TREH: variants seen among roughly 807,000 people sequenced by gnomAD.
The protein encoded by TREH is trehalase.
In TREH, 69 loss-of-function variants were observed where a neutral mutation model predicts 80.5. The ratio of observed to expected loss-of-function variants is 0.86; its 90% CI spans 0.71 to 1.05. The LOEUF (loss-of-function observed/expected upper bound fraction) is 1.05. Among genes scored for constraint, TREH ranks in the 50% least tolerant of loss-of-function variants. TREH has a pLI of 0.00. For synonymous variants in TREH, 309 were observed against 293.5 expected (o/e 1.05, Z -0.54); for missense variants, 716 against 718.8 (o/e 1.00, Z 0.04).
At chr11:118,672,399 G>GA (rs1304121384) in intron 1 of TREH, among the ~76,000 whole-genome samples, 13 of 144,238 alleles carry the variant, frequency 9.0e-5, no homozygotes, top group East Asian at 2.0e-4. Flanking sequence ...CACTGTCTCA[G>GA]AAAAAAAAAG....
chr11:118,659,717 G>A, intron 11 of TREH, 30 bp downstream of exon 11: 1 of 1,554,580 alleles, frequency 6.4e-7, no homozygotes, highest in East Asian at 2.4e-5. Flanking sequence ...GCTGCCTGCA[G>A]TGGACCCGAG....
chr11:118,660,914 G>T lies in TREH; in HGVS notation c.859C>A (p.Pro287Thr). Residue 287 changes from proline (P) to threonine (T), a missense_variant and splice_region_variant, in exon 9 of 15, where the codon CCT becomes ACT. Transcript: ENST00000264029. ...RYYVPYGGPR[P>T]ESYSKDVELA... ...TCCACATCTTTGCTGTAGGACTCAG[G>T]CCTGGCAAAGAGGAGAGGTGGGCAG... is the stretch of plus-strand genomic sequence containing the variant. 1 of 1,570,462 alleles carries T rather than the reference G, an allele frequency of 6.4e-7. No individual in the cohort carries two copies. Among genetic ancestry groups the T allele is most frequent in the South Asian group, 1.2e-5 (1 of 85,334 alleles).
Position 118,660,584 on chromosome 11 carries a change from G to A in TREH, c.1057C>T (p.Leu353=), listed in dbSNP as rs782578590. 5 of 1,610,824 alleles carry A rather than the reference G, an allele frequency of 3.1e-6. No homozygotes were observed. The South Asian group carries it at 5.5e-5, about 18-fold the overall frequency. Residue 353 remains leucine, a synonymous_variant, in exon 10 of 15, where the codon CTA becomes TTA. Coordinates refer to ENST00000264029, the MANE Select transcript of TREH (RefSeq NM_007180.3). The stretch of plus-strand genomic sequence containing the variant: ...CTCATCAGCTCCTCTGCTTGGCATA[G>A]GAAGGCATTCAGGTCAACAGGCACC... ...KLVPVDLNAF[L]CQAEELMSNF...
At chr11:118,667,984 C>T (rs1555145829) in intron 1 of TREH, among the ~76,000 whole-genome samples, 1 of 152,146 alleles carries the variant, frequency 6.6e-6, no homozygotes, top group Admixed American at 6.5e-5. Flanking sequence ...CATGCCTCAG[C>T]CTCCCAAGTT....
intron 1 of TREH, among the ~76,000 whole-genome samples, chr11:118,672,320 C>T (rs1949437007): frequency 6.6e-6 from 1 of 151,998 alleles, no homozygotes; most frequent in Non-Finnish European, 1.5e-5. Flanking sequence ...ATCGCTTGAA[C>T]CGGGGAGGTG....
Position 118,657,782 on chromosome 11 carries a change from A to C in TREH, c.*507T>G. 1 of 159,450 alleles carries C rather than the reference A, an allele frequency of 6.3e-6. No homozygotes were observed. Among genetic ancestry groups the C allele is most frequent in the South Asian group, 1.8e-4 (1 of 5,460 alleles). The allele number at this position is 159,450 out of a possible 1,614,324, so 9.9% of individuals were successfully genotyped here. ...CCTAGAGAGAAAGCCTGAGCAGGAG[A>C]TGATGCAGCAGAGGGGAAGGGCCCT... On this transcript the variant is annotated 3_prime_UTR_variant, in exon 15 of 15. Coordinates refer to ENST00000264029, the MANE Select transcript of TREH (RefSeq NM_007180.3).
Position 118,658,188 on chromosome 11 carries a change from A to C in TREH, c.*101T>G. The C allele has an allele frequency of 6.9e-7, 1 of 1,455,308 alleles. No individual in the cohort carries two copies. Among genetic ancestry groups the C allele is most frequent in the Non-Finnish European group, 9.2e-7 (1 of 1,083,280 alleles). 90.1% of individuals were successfully genotyped at this position (1,455,308 alleles called of 1,614,324 possible). A position where few individuals can be genotyped will look rare whatever the true frequency, so the allele number is the denominator to read the frequency against. ...CTGCCCTCCACTTCGCTCTGAGGAC[A>C]GGCTGGGAGGTAGGAGGGCATGAAG... On this transcript the variant is annotated 3_prime_UTR_variant, in exon 15 of 15. Coordinates refer to ENST00000264029, the MANE Select transcript of TREH (RefSeq NM_007180.3).
rs540653563 is a variant in TREH at position 118,679,515 on chromosome 11, C to G, written c.89+24G>C. 1.4e-5 allele frequency: 21 copies of G among 1,471,390 alleles called. No homozygotes were observed. The African/African-American group carries it at 2.4e-4, about 17-fold the overall frequency. 91.1% of individuals were successfully genotyped at this position (1,471,390 alleles called of 1,614,324 possible). A position where few individuals can be genotyped will look rare whatever the true frequency, so the allele number is the denominator to read the frequency against. On this transcript the variant is annotated intron_variant, in intron 1 of 14. Transcript: ENST00000264029. The stretch of plus-strand genomic sequence containing the variant: ...GCCTCCCTCTTATTGCCATCCTCCC[C>G]TGCTGCCTTCCCCACACCCCTACCT...
chr11:118,672,875 G>A (rs1949443493), intron 1 of TREH, among the ~76,000 whole-genome samples: 1 of 152,072 alleles, frequency 6.6e-6, no homozygotes, highest in African/African-American at 2.4e-5. Flanking sequence ...GGGATTTACT[G>A]GAACCACTGA....
intron 1 of TREH, among the ~76,000 whole-genome samples, chr11:118,669,270 A>G (rs1949409200): frequency 2.6e-5 from 4 of 152,352 alleles, no homozygotes; most frequent in Middle Eastern, 6.8e-3. Context: ...TACAACCACT[A>G]TGGAGAACTG....
At chr11:118,660,013 C>T in intron 10 of TREH, 49 bp from the exon 11 acceptor site, 1 of 1,504,316 alleles carries the variant, frequency 6.6e-7, no homozygotes, top group South Asian at 1.2e-5. Context: ...CTGCCTGCTG[C>T]CCCAGGCTTT....
rs58199596 is a variant in TREH, at chr11:118,672,713, CAAAAAAAAAA to C, written c.89+6816_89+6825del. 6.8e-5 allele frequency among the ~76,000 whole-genome samples: 3 copies of C among 43,970 alleles called. No individual in the cohort carries two copies. In the East Asian group the frequency reaches 2.0e-3, roughly 30 times the overall value. 28.8% of individuals were successfully genotyped at this position (43,970 alleles called of 152,430 possible). A position where few individuals can be genotyped will look rare whatever the true frequency, so the allele number is the denominator to read the frequency against. On this transcript the variant is annotated intron_variant, in intron 1 of 14. Coordinates refer to ENST00000264029, the MANE Select transcript of TREH (RefSeq NM_007180.3). ...GGGTTGACAGAGCGAGACTCCATCTCAAAAAAAAAAAAAAAAAAAAAAAGAAATCACCTGA... is the reference window on the plus strand; with the variant it reads ...GGGTTGACAGAGCGAGACTCCATCTCAAAAAAAAAAAAAGAAATCACCTGA...
At chr11:118,658,883 G>T in intron 13 of TREH, 22 bp downstream of exon 13, 2 of 1,613,254 alleles carry the variant, frequency 1.2e-6, no homozygotes, top group East Asian at 4.5e-5. Flanking sequence ...TGGGGGTGCA[G>T]GGAGGGCTTG....
At chr11:118,659,088 C>T (rs1221478515) in intron 12 of TREH, 71 bp from the exon 13 acceptor site, 8 of 1,482,716 alleles carry the variant, frequency 5.4e-6, no homozygotes, top group African/African-American at 2.8e-5. Flanking sequence ...CTGCACCCTA[C>T]TCTCCCCAAG....
Position 118,661,771 on chromosome 11 carries a change from C to T in TREH, c.525-42G>A, listed in dbSNP as rs781818237. ...TTAGGCACCACCCTGCTGCCTCCCT[C>T]TGCCCTGCACACCAGCCAGTGGGGC... On this transcript the variant is annotated intron_variant, in intron 5 of 14. Coordinates refer to ENST00000264029, the MANE Select transcript of TREH (RefSeq NM_007180.3). The surrounding 1 kb of genome is among the most constrained non-coding windows in gnomAD (Gnocchi z 4.2). 6.2e-7 allele frequency: 1 copy of T among 1,610,752 alleles called. No individual in the cohort carries two copies. The highest frequency in any genetic ancestry group is 8.5e-7 in the Non-Finnish European group (1 of 1,177,430).
At chr11:118,669,790 C>T (rs1483259224) in intron 1 of TREH, among the ~76,000 whole-genome samples, 1 of 152,038 alleles carries the variant, frequency 6.6e-6, no homozygotes, top group Non-Finnish European at 1.5e-5. Context: ...CTAGTATTTG[C>T]TAGCACAACA....
rs1555144063 is a variant in TREH at position 118,658,747 on chromosome 11, G to A, written c.1546-14C>T. On this transcript the variant is annotated splice_polypyrimidine_tract_variant and intron_variant, in intron 13 of 14. Transcript: ENST00000264029. The stretch of plus-strand genomic sequence containing the variant: ...GCTGACGTCATACTGGGGACAAGCG[G>A]GTGGGCTGTATGTCAGGTACTGCCC... 1 of 1,608,440 alleles carries A rather than the reference G, an allele frequency of 6.2e-7. No homozygotes were observed. The highest frequency in any genetic ancestry group is 8.5e-7 in the Non-Finnish European group (1 of 1,177,346).
At chr11:118,670,286 A>G (rs1412775450) in intron 1 of TREH, among the ~76,000 whole-genome samples, 1 of 152,158 alleles carries the variant, frequency 6.6e-6, no homozygotes, top group Non-Finnish European at 1.5e-5. Flanking sequence ...AGACACACCT[A>G]TCATTTGGGA....
In TREH at chr11:118,665,965, C is replaced by T. The variant is rs1322330519; in HGVS notation, c.90-2526G>A. Reference sequence around the variant, plus strand: ...GTAAAAATCAATGATAGGCCGGGCGCGGTGGCTCACGCCTGTAATCCCAGC... The same window carrying T: ...GTAAAAATCAATGATAGGCCGGGCGTGGTGGCTCACGCCTGTAATCCCAGC... On this transcript the variant is annotated intron_variant, in intron 1 of 14. Transcript: ENST00000264029. Among the ~76,000 whole-genome samples the T allele has an allele frequency of 1.3e-4, 20 of 152,292 alleles. 1 individual carries two copies. Among genetic ancestry groups the T allele is most frequent in the African/African-American group, 4.1e-4 (17 of 41,572 alleles).
Sources: allele counts gnomAD v4.1 joint callset (sites outside exome capture counted in the v4.1 genomes callset), GRCh38; gene constraint gnomAD v4.1.1; non-coding constraint Gnocchi (gnomAD v3.1); transcripts MANE v1.5; gene names NCBI Gene and HGNC (gene_info 2026-07-23, HGNC 2026-07-21).